Variants in SPON1 observed in about 807,000 individuals in gnomAD.
The protein encoded by SPON1 is spondin 1, also known as spondin-1.
In SPON1, 52 loss-of-function variants were observed where a neutral mutation model predicts 111.7. The ratio of observed to expected loss-of-function variants is 0.47; its 90% confidence interval spans 0.37 to 0.59. The LOEUF (loss-of-function observed/expected upper bound fraction) is 0.59, where lower values mean the gene tolerates loss of function less well. Ranked by LOEUF, SPON1 falls within the 20% of genes least tolerant of loss-of-function variation. The pLI is 0.00. For missense variants in SPON1, 957 were observed against 1,068.5 expected, an observed-to-expected ratio of 0.90 and a Z score of 1.46; for synonymous variants, 410 against 395.8, an observed-to-expected ratio of 1.04 and a Z score of -0.43.
chr11:14,059,594 A>G (rs782427458), intron 3 of SPON1, among the ~76,000 whole-genome samples: 1 of 152,178 alleles, frequency 6.6e-6, no homozygotes, highest in Non-Finnish European at 1.5e-5. Flanking sequence ...TGGCACATGA[A>G]TATTCATCTG....
intron 6 of SPON1, among the ~76,000 whole-genome samples, chr11:14,217,192 G>A (rs1043057605): frequency 1.7e-4 from 26 of 152,170 alleles, no homozygotes; most frequent in Admixed American, 1.5e-3. Flanking sequence ...TAATGCTTCC[G>A]TGGGGAGAGC....
At chr11:14,252,301 C>T (rs1352161995) in intron 7 of SPON1, among the ~76,000 whole-genome samples, 4 of 150,154 alleles carry the variant, frequency 2.7e-5, no homozygotes, top group Non-Finnish European at 5.9e-5. Context: ...CTGCCTCAGC[C>T]GAAGGCAAGA....
intron 3 of SPON1, among the ~76,000 whole-genome samples, chr11:14,073,332 G>A (rs1469922148): frequency 6.6e-6 from 1 of 152,154 alleles, no homozygotes; most frequent in African/African-American, 2.4e-5. Context: ...ACTGTGACCT[G>A]ATACATGAGG....
chr11:14,003,609 A>G (rs1554912725), intron 2 of SPON1, among the ~76,000 whole-genome samples: 5 of 152,160 alleles, frequency 3.3e-5, no homozygotes, highest in Non-Finnish European at 7.4e-5. Context: ...TTCTATCAAG[A>G]CACAGAAAGA....
At chr11:14,087,868 G>A (rs1188312295) in intron 5 of SPON1, among the ~76,000 whole-genome samples, 3 of 152,168 alleles carry the variant, frequency 2.0e-5, no homozygotes, top group South Asian at 4.2e-4. Context: ...TCTTCTTGTT[G>A]CATTGATCCC....
chr11:14,066,318 CT>C (rs1185109643), intron 3 of SPON1, among the ~76,000 whole-genome samples: 1 of 152,072 alleles, frequency 6.6e-6, no homozygotes, highest in Non-Finnish European at 1.5e-5. Flanking sequence ...ACAAATATCT[CT>C]TTGCAAGGTT....
intron 6 of SPON1, among the ~76,000 whole-genome samples, chr11:14,162,828 GGA>G (rs1847983513): frequency 6.6e-6 from 1 of 152,184 alleles, no homozygotes; most frequent in Admixed American, 6.5e-5. Context: ...CTGCCACAGC[GGA>G]GAGTGGGCAC....
chr11:13,988,607 AG>A (rs1848203678), intron 2 of SPON1, among the ~76,000 whole-genome samples: 1 of 152,094 alleles, frequency 6.6e-6, no homozygotes, highest in African/African-American at 2.4e-5. Context: ...GGAGAGAGAA[AG>A]CATCCTTGTC....
At chr11:14,048,686 G>A (rs1172653897) in intron 3 of SPON1, among the ~76,000 whole-genome samples, 1 of 152,178 alleles carries the variant, frequency 6.6e-6, no homozygotes, top group Non-Finnish European at 1.5e-5. Context: ...CAAGAATGCT[G>A]CAAACCATCA....
rs181664084 is a variant in SPON1, at chr11:14,171,586, A to G, written c.825+36018A>G. Among the ~76,000 whole-genome samples the G allele has an allele frequency of 1.7e-3, 251 of 151,738 alleles. 1 individual carries two copies. Among genetic ancestry groups the G allele is most frequent in the Middle Eastern group, 6.8e-3 (2 of 294 alleles). ...CTAGTTCTTTTAATTGTGATGTTAG[A>G]GTGTCAATTTTAGATCTTTCCTGCT... On this transcript the variant is annotated intron_variant, in intron 6 of 15. Coordinates refer to ENST00000576479, the MANE Select transcript of SPON1 (RefSeq NM_006108.4).
intron 6 of SPON1, among the ~76,000 whole-genome samples, chr11:14,144,295 TA>T (rs1554929082): frequency 2.0e-5 from 3 of 152,110 alleles, no homozygotes; most frequent in Non-Finnish European, 4.4e-5. Flanking sequence ...TAGAATCTAC[TA>T]GAGCATAAAG....
intron 5 of SPON1, among the ~76,000 whole-genome samples, chr11:14,130,669 C>T (rs1303744459): frequency 6.6e-6 from 1 of 151,650 alleles, no homozygotes; most frequent in Non-Finnish European, 1.5e-5. Context: ...AAATATAAAT[C>T]ATGCCAATAA....
intron 14 of SPON1, among the ~76,000 whole-genome samples, chr11:14,261,589 CTGCTCCA>C (rs1849183043): frequency 6.6e-6 from 1 of 152,190 alleles, no homozygotes; most frequent in African/African-American, 2.4e-5. Flanking sequence ...TACTTAATCC[CTGCTCCA>C]TGCTCCAGCT....
At chr11:14,158,253 C>T (rs782043114) in intron 6 of SPON1, among the ~76,000 whole-genome samples, 31 of 152,082 alleles carry the variant, frequency 2.0e-4, no homozygotes, top group Non-Finnish European at 3.1e-4. Context: ...CTTCAGGGTT[C>T]CTCACTTAAA....
chr11:14,068,235 T>C (rs782586385), intron 3 of SPON1, among the ~76,000 whole-genome samples: 2 of 152,224 alleles, frequency 1.3e-5, no homozygotes, highest in Non-Finnish European at 2.9e-5. Flanking sequence ...AATGGGATCA[T>C]GGTAACCTTG....
intron 5 of SPON1, among the ~76,000 whole-genome samples, chr11:14,113,727 C>T (rs1465676751): frequency 2.6e-5 from 4 of 150,966 alleles, no homozygotes; most frequent in African/African-American, 9.7e-5. Context: ...CTCAGCCTCC[C>T]GCGTAGCTGG....
chr11:14,154,248 C>T (rs1265194046), intron 6 of SPON1, among the ~76,000 whole-genome samples: 2 of 152,238 alleles, frequency 1.3e-5, no homozygotes, highest in East Asian at 3.8e-4. Context: ...CCCCTCTGCA[C>T]TGTCATAGTA....
At chr11:14,215,671 G>A (rs1004688280) in intron 6 of SPON1, among the ~76,000 whole-genome samples, 1 of 152,236 alleles carries the variant, frequency 6.6e-6, no homozygotes, top group African/African-American at 2.4e-5. Flanking sequence ...TGGGAGGAGT[G>A]TCCAAGAATT....
At chr11:14,224,195 C>G (rs1219456990) in intron 6 of SPON1, among the ~76,000 whole-genome samples, 1 of 152,110 alleles carries the variant, frequency 6.6e-6, no homozygotes, top group Admixed American at 6.5e-5. Context: ...AGTTCCTCCC[C>G]TTGAAGCACG....
Sources: gnomAD v4.1 joint callset for allele counts (sites outside exome capture counted in the v4.1 genomes callset) on GRCh38, gnomAD v4.1.1 for gene constraint, MANE v1.5 for transcripts, NCBI Gene and HGNC (gene_info 2026-07-23, HGNC 2026-07-21) for gene names.